RNF180: variants seen among roughly 807,000 people sequenced by gnomAD.
The protein encoded by RNF180 is E3 ubiquitin-protein ligase RNF180.
Under a neutral mutation model 59.2 loss-of-function variants are expected in RNF180, and 38 were observed. The ratio of observed to expected loss-of-function variants is 0.64; its 90% confidence interval spans 0.50 to 0.84. The LOEUF (loss-of-function observed/expected upper bound fraction) is 0.84, where lower values mean the gene tolerates loss of function less well. Ranked by LOEUF, RNF180 falls within the 40% of genes least tolerant of loss-of-function variation. The pLI is 0.00. For synonymous variants in RNF180, 262 were observed against 240.3 expected (o/e 1.09, Z -0.84); for missense variants, 705 against 700.9 (o/e 1.01, Z -0.07).
At chr5:64,244,866 G>A (rs1330100218) in intron 5 of RNF180, among the ~76,000 whole-genome samples, 2 of 152,218 alleles carry the variant, frequency 1.3e-5, no homozygotes, top group Non-Finnish European at 2.9e-5. Context: ...ACAAAGGGAA[G>A]CCCATGAGAC....
At chr5:64,298,416 A>G (rs536780235) in intron 5 of RNF180, among the ~76,000 whole-genome samples, 8 of 151,776 alleles carry the variant, frequency 5.3e-5, no homozygotes, top group Non-Finnish European at 7.4e-5. Flanking sequence ...GTTAATTTTT[A>G]TATATGGTAA....
intron 5 of RNF180, among the ~76,000 whole-genome samples, chr5:64,294,099 C>T (rs1295408905): frequency 6.6e-6 from 1 of 152,242 alleles, no homozygotes; most frequent in East Asian, 1.9e-4. Flanking sequence ...TTCTAACCAC[C>T]TGCCTACCGT....
At chr5:64,236,685 T>C (rs1742462598) in intron 5 of RNF180, among the ~76,000 whole-genome samples, 1 of 152,112 alleles carries the variant, frequency 6.6e-6, no homozygotes, top group African/African-American at 2.4e-5. Flanking sequence ...CCCAGAGGTC[T>C]AGGAGGGAAA....
At chr5:64,216,687 A>G (rs555622058) in intron 4 of RNF180, among the ~76,000 whole-genome samples, 13 of 152,282 alleles carry the variant, frequency 8.5e-5, no homozygotes, top group African/African-American at 3.1e-4. Flanking sequence ...TGTAAATGAG[A>G]TTGATATTAA....
chr5:64,185,200 T>C (rs1412153968), intron 1 of RNF180, among the ~76,000 whole-genome samples: 1 of 152,236 alleles, frequency 6.6e-6, no homozygotes. Flanking sequence ...ACACCTTCAC[T>C]GCTATCACCT....
rs138041187 is a variant in RNF180, at chr5:64,311,086, C to T, written c.1228-14100C>T. Among the ~76,000 whole-genome samples, 8 of 151,938 alleles carry T rather than the reference C, an allele frequency of 5.3e-5. No individual in the cohort carries two copies. The East Asian group carries it at 1.5e-3, about 29-fold the overall frequency. Reference sequence around the variant, plus strand: ...AGATTATTTGGGTGGGGCACAGTGGCTTACTATAATCCAAACTCTTTAGGA... The same window carrying T: ...AGATTATTTGGGTGGGGCACAGTGGTTTACTATAATCCAAACTCTTTAGGA... On this transcript the variant is annotated intron_variant, in intron 5 of 7. Coordinates refer to ENST00000389100, the MANE Select transcript of RNF180 (RefSeq NM_001113561.2).
intron 7 of RNF180, among the ~76,000 whole-genome samples, chr5:64,362,532 A>T (rs1746298486): frequency 6.6e-6 from 1 of 151,886 alleles, no homozygotes; most frequent in South Asian, 2.1e-4. Context: ...TATTGTGAAT[A>T]GTGCTGCAAA....
intron 7 of RNF180, among the ~76,000 whole-genome samples, chr5:64,338,884 A>G (rs1279338903): frequency 6.6e-6 from 1 of 152,046 alleles, no homozygotes; most frequent in Non-Finnish European, 1.5e-5. Context: ...ATTGTAATTG[A>G]TGTTCTAATG....
rs561938254 is a variant in RNF180, at chr5:64,343,252, A to C, written c.1579+12846A>C. On this transcript the variant is annotated intron_variant, in intron 7 of 7. Coordinates refer to ENST00000389100, the MANE Select transcript of RNF180 (RefSeq NM_001113561.2). ...TGAAAATAGAGAAAAAGAATAGATAAAAAGGTAAAAAACTGCCAATAGAAA... is the reference window on the plus strand; with the variant it reads ...TGAAAATAGAGAAAAAGAATAGATACAAAGGTAAAAAACTGCCAATAGAAA... Among the ~76,000 whole-genome samples the C allele has an allele frequency of 2.0e-5, 3 of 152,216 alleles. No homozygotes were observed. In the East Asian group the frequency reaches 5.8e-4, roughly 29 times the overall value.
chr5:64,295,386 T>TG (rs1013212493), intron 5 of RNF180, among the ~76,000 whole-genome samples: 2 of 152,194 alleles, frequency 1.3e-5, no homozygotes, highest in African/African-American at 4.8e-5. Context: ...CTGTCAGTGA[T>TG]GTGGTATTAA....
chr5:64,189,605 C>A (rs766066501), intron 1 of RNF180, among the ~76,000 whole-genome samples: 1 of 152,054 alleles, frequency 6.6e-6, no homozygotes, highest in Non-Finnish European at 1.5e-5. Flanking sequence ...AGATGTGGCC[C>A]GGTTTCTCCT....
chr5:64,190,972 T>A (rs1459352877), intron 1 of RNF180, among the ~76,000 whole-genome samples: 1 of 152,198 alleles, frequency 6.6e-6, no homozygotes, highest in Non-Finnish European at 1.5e-5. Flanking sequence ...AAGTATAACT[T>A]TTTTTACATT....
chr5:64,348,639 C>A (rs1230455319), intron 7 of RNF180, among the ~76,000 whole-genome samples: 3 of 151,772 alleles, frequency 2.0e-5, no homozygotes, highest in Admixed American at 2.0e-4. Context: ...AATCTCTCAA[C>A]CTGATAAAAT....
At chr5:64,252,820 G>A (rs917004570) in intron 5 of RNF180, among the ~76,000 whole-genome samples, 8 of 152,074 alleles carry the variant, frequency 5.3e-5, no homozygotes, top group African/African-American at 1.9e-4. Context: ...AGTAGATGCT[G>A]GGGCACAGTG....
At chr5:64,260,940 C>CTTTTTTTTTTT (rs77043934) in intron 5 of RNF180, among the ~76,000 whole-genome samples, 1 of 137,178 alleles carries the variant, frequency 7.3e-6, no homozygotes, top group Non-Finnish European at 1.6e-5. Flanking sequence ...TCAGTTTCCT[C>CTTTTTTTTTTT]TTTTTTTTTT....
At chr5:64,285,980 A>G (rs1192751294) in intron 5 of RNF180, among the ~76,000 whole-genome samples, 3 of 152,068 alleles carry the variant, frequency 2.0e-5, no homozygotes, top group African/African-American at 7.2e-5. Context: ...CCAGATGTGC[A>G]TAGCAAGCGT....
At chr5:64,366,403 T>A (rs1746448468) in intron 7 of RNF180, among the ~76,000 whole-genome samples, 1 of 151,572 alleles carries the variant, frequency 6.6e-6, no homozygotes, top group South Asian at 2.1e-4. Context: ...TTTATTTCAT[T>A]TCCACCCTGG....
chr5:64,192,205 C>A (rs557231971), intron 1 of RNF180, among the ~76,000 whole-genome samples: 1 of 151,170 alleles, frequency 6.6e-6, no homozygotes, highest in Admixed American at 6.6e-5. Context: ...CCACTAGATA[C>A]ATGAAAGGGT....
intron 5 of RNF180, among the ~76,000 whole-genome samples, chr5:64,276,743 T>C (rs759671034): frequency 2.0e-5 from 3 of 152,092 alleles, no homozygotes; most frequent in African/African-American, 4.8e-5. Context: ...ACTCAGGGGA[T>C]ATGATTATTT....
Sources: allele counts gnomAD v4.1 joint callset (sites outside exome capture counted in the v4.1 genomes callset), GRCh38; gene constraint gnomAD v4.1.1; transcripts MANE v1.5; gene names NCBI Gene and HGNC (gene_info 2026-07-23, HGNC 2026-07-21).